The following DTD1 variants were observed in gnomAD, a reference collection of about 807,000 sequenced individuals.
DTD1 encodes the protein D-tyrosyl-tRNA deacylase 1 homolog.
A neutral mutation model predicts 25.6 loss-of-function variants in DTD1; 13 were observed. The ratio of observed to expected loss-of-function variants is 0.51; its 90% CI spans 0.33 to 0.81. The LOEUF is 0.81. Ranked by LOEUF, DTD1 falls within the 30% of genes least tolerant of loss-of-function variation. The probability of loss-of-function intolerance (pLI) is 0.02; values close to 1 mark genes in which losing one functional copy is unlikely to be tolerated. For synonymous variants in DTD1, 110 were observed against 103.6 expected (o/e 1.06, Z -0.37); for missense variants, 193 against 266.4 (o/e 0.72, Z 1.92).
In DTD1 at chr20:18,649,409, G is replaced by A. The variant is rs553947158; in HGVS notation, c.477+21176G>A. Among the ~76,000 whole-genome samples, 391 of 127,042 alleles carry A rather than the reference G, an allele frequency of 3.1e-3. 1 individual carries two copies. Among genetic ancestry groups the A allele is most frequent in the African/African-American group, 7.4e-3 (242 of 32,722 alleles). 83.3% of individuals were successfully genotyped at this position (127,042 alleles called of 152,430 possible). A position where few individuals can be genotyped will look rare whatever the true frequency, so the allele number is the denominator to read the frequency against. On this transcript the variant is annotated intron_variant, in intron 4 of 5. Coordinates refer to ENST00000377452, the MANE Select transcript of DTD1 (RefSeq NM_080820.6). Reference sequence around the variant, plus strand: ...GATGGAGTGCAGTGGCGCGATCTCCGCTCACTGCAACATCCGCCTCCCGGG... The same window carrying A: ...GATGGAGTGCAGTGGCGCGATCTCCACTCACTGCAACATCCGCCTCCCGGG...
At chr20:18,623,019 G>A (rs1398770585) in intron 3 of DTD1, among the ~76,000 whole-genome samples, 1 of 146,480 alleles carries the variant, frequency 6.8e-6, no homozygotes, top group African/African-American at 2.5e-5. Context: ...GGCTCATTGC[G>A]ACCTCCGCCT....
At chr20:18,613,920 G>C (rs1453326653) in intron 3 of DTD1, among the ~76,000 whole-genome samples, 1 of 151,982 alleles carries the variant, frequency 6.6e-6, no homozygotes, top group Non-Finnish European at 1.5e-5. Context: ...TGGCCACTAG[G>C]GTGCATGCTA....
intron 4 of DTD1, among the ~76,000 whole-genome samples, chr20:18,712,071 CAAAAA>C (rs374346099): frequency 7.3e-6 from 1 of 136,208 alleles, no homozygotes; most frequent in Non-Finnish European, 1.6e-5. Context: ...GACTCCGTCT[CAAAAA>C]AAAAAAAAAA....
intron 4 of DTD1, among the ~76,000 whole-genome samples, chr20:18,662,519 T>C (rs1347269661): frequency 6.6e-6 from 1 of 152,210 alleles, no homozygotes; most frequent in East Asian, 1.9e-4. Context: ...TTCTGCAAGC[T>C]GCTCCAGAAG....
intron 5 of DTD1, among the ~76,000 whole-genome samples, chr20:18,747,873 G>T (rs1384334208): frequency 7.1e-6 from 1 of 140,546 alleles, no homozygotes. Context: ...AAAAAAATTA[G>T]CTGGGCATGG....
At chr20:18,674,873 G>A (rs2060964026) in intron 4 of DTD1, 1 of 152,494 alleles carries the variant, frequency 6.6e-6, no homozygotes, top group African/African-American at 2.4e-5. Flanking sequence ...AATTCTGTGT[G>A]TGTCACATTG....
At chr20:18,685,577 G>A (rs184425400) in intron 4 of DTD1, among the ~76,000 whole-genome samples, 2 of 152,322 alleles carry the variant, frequency 1.3e-5, no homozygotes, top group Admixed American at 6.5e-5. Flanking sequence ...TGGCAGACAC[G>A]TGGGTGACCG....
At chr20:18,650,292 C>T (rs578029532) in intron 4 of DTD1, among the ~76,000 whole-genome samples, 1 of 152,152 alleles carries the variant, frequency 6.6e-6, no homozygotes, top group Non-Finnish European at 1.5e-5. Flanking sequence ...ATGGCTATAG[C>T]AGAGTATTTA....
In DTD1 at chr20:18,744,177, A is replaced by G; in HGVS notation, c.555A>G (p.Arg185=). The stretch of plus-strand genomic sequence containing the variant: ...GACCTTCTGAATCAAGCAAGGAAAG[A>G]AACACTCCCCGAAAAGAAGACCGCA... The part of the protein sequence containing the change: ...AKGPSESSKE[R]NTPRKEDRSA... Residue 185 remains arginine, a synonymous_variant, in exon 5 of 6, where the codon AGA becomes AGG. Transcript: ENST00000377452. The G allele has an allele frequency of 6.2e-7, 1 of 1,612,384 alleles. No individual in the cohort carries two copies.
intron 4 of DTD1, among the ~76,000 whole-genome samples, chr20:18,684,391 A>T (rs1029715560): frequency 2.6e-5 from 4 of 151,998 alleles, no homozygotes; most frequent in African/African-American, 9.7e-5. Context: ...GGTTCAAGCG[A>T]TTCTCGTGCC....
At chr20:18,613,336 C>T (rs865913601) in intron 3 of DTD1, among the ~76,000 whole-genome samples, 4 of 152,142 alleles carry the variant, frequency 2.6e-5, no homozygotes, top group African/African-American at 9.7e-5. Context: ...CTGTTTCTGC[C>T]ACAGCGTGGT....
intron 4 of DTD1, among the ~76,000 whole-genome samples, chr20:18,686,646 C>CTCTGTG (rs2061017674): frequency 1.3e-5 from 2 of 148,938 alleles, no homozygotes; most frequent in Non-Finnish European, 3.0e-5. Context: ...TATTTATTAG[C>CTCTGTG]TGTGTGTGTG....
At chr20:18,754,418 C>G (rs984891175) in intron 5 of DTD1, among the ~76,000 whole-genome samples, 1 of 152,158 alleles carries the variant, frequency 6.6e-6, no homozygotes, top group African/African-American at 2.4e-5. Flanking sequence ...GTCAGGTGTC[C>G]CCAGCCTCTG....
At position 18,632,452 on chromosome 20, in the gene DTD1, C is replaced by T. The variant is rs41278988; in HGVS notation, c.477+4219C>T. 4.1e-6 allele frequency: 4 copies of T among 985,422 alleles called. No homozygotes were observed. The East Asian group carries it at 3.4e-4, about 84-fold the overall frequency. The allele number at this position is 985,422 out of a possible 1,614,324, so 61.0% of individuals were successfully genotyped here. On this transcript the variant is annotated intron_variant, in intron 4 of 5. Coordinates refer to ENST00000377452, the MANE Select transcript of DTD1 (RefSeq NM_080820.6). ...GGTTGGTGCTGGCCTGTGCCTGGGG[C>T]CTCTCTCTGCCTTTTCTTCTGAATT...
chr20:18,759,863 CA>C (rs1473910302), intron 5 of DTD1, among the ~76,000 whole-genome samples: 1 of 152,210 alleles, frequency 6.6e-6, no homozygotes, highest in Non-Finnish European at 1.5e-5. Flanking sequence ...CCGTCACTTT[CA>C]GGTACACCAA....
chr20:18,707,426 G>C (rs184429428), intron 4 of DTD1, among the ~76,000 whole-genome samples: 1 of 152,244 alleles, frequency 6.6e-6, no homozygotes, highest in African/African-American at 2.4e-5. Context: ...CTCACCCTGC[G>C]TGCTCACTCA....
At chr20:18,624,447 A>AG (rs1013162179) in intron 3 of DTD1, among the ~76,000 whole-genome samples, 5 of 152,242 alleles carry the variant, frequency 3.3e-5, no homozygotes, top group African/African-American at 1.2e-4. Flanking sequence ...GACCGAAGGA[A>AG]GTAAGATATG....
At chr20:18,605,962 A>G (rs1427948530) in intron 3 of DTD1, among the ~76,000 whole-genome samples, 2 of 149,084 alleles carry the variant, frequency 1.3e-5, no homozygotes, top group Non-Finnish European at 3.0e-5. Flanking sequence ...CTGCACAGCA[A>G]AAGAAACTAC....
chr20:18,653,806 A>G (rs1197875439), intron 4 of DTD1, among the ~76,000 whole-genome samples: 2 of 152,246 alleles, frequency 1.3e-5, no homozygotes, highest in African/African-American at 4.8e-5. Flanking sequence ...AAGGAGGGTT[A>G]TAATAACAGA....
Sources: gnomAD v4.1 joint callset for allele counts (sites outside exome capture counted in the v4.1 genomes callset) on GRCh38, gnomAD v4.1.1 for gene constraint, MANE v1.5 for transcripts, NCBI Gene and HGNC (gene_info 2026-07-23, HGNC 2026-07-21) for gene names.